The following ZFAT variants were observed in gnomAD, a reference collection of about 807,000 sequenced individuals.
ZFAT encodes the protein zinc finger and AT-hook domain containing, also known as zinc finger protein ZFAT.
A neutral mutation model predicts 117.7 loss-of-function variants in ZFAT; 64 were observed. The ratio of observed to expected loss-of-function variants is 0.54; its 90% CI spans 0.44 to 0.67. The LOEUF (loss-of-function observed/expected upper bound fraction) is 0.67. ZFAT is among the 30% of genes least tolerant of loss of function. ZFAT has a pLI of 0.00. For missense variants in ZFAT, 1,433 were observed against 1,584.5 expected (o/e 0.90, Z 1.62); for synonymous variants, 679 against 615.0 (o/e 1.10, Z -1.54).
At chr8:134,587,362 C>T (rs1376197781) in intron 9 of ZFAT, among the ~76,000 whole-genome samples, 1 of 152,210 alleles carries the variant, frequency 6.6e-6, no homozygotes, top group Non-Finnish European at 1.5e-5. Context: ...GGTTCCCAAT[C>T]TGTCAGTTAC....
intron 2 of ZFAT, among the ~76,000 whole-genome samples, chr8:134,638,577 A>AC (rs71576092): frequency 2.4e-4 from 34 of 142,962 alleles, no homozygotes; most frequent in African/African-American, 8.1e-4. Flanking sequence ...AAAAAAAAAA[A>AC]CATTAACCAG....
chr8:134,824,073 T>C, the ZFAT span, among the ~76,000 whole-genome samples: 1 of 152,238 alleles, frequency 6.6e-6, no homozygotes, highest in African/African-American at 2.4e-5. Context: ...AATTAGATGG[T>C]CTCTGCTCTC....
chr8:134,691,448 T>A (rs747663189), intron 1 of ZFAT, among the ~76,000 whole-genome samples: 22 of 152,168 alleles, frequency 1.4e-4, no homozygotes, highest in Admixed American at 7.2e-4. Context: ...CACACACATG[T>A]CCCCTAGGGG....
At chr8:134,547,145 T>C (rs1460305484) in intron 11 of ZFAT, among the ~76,000 whole-genome samples, 1 of 152,226 alleles carries the variant, frequency 6.6e-6, no homozygotes, top group Non-Finnish European at 1.5e-5. Context: ...CTGAAGTTCA[T>C]GCAGTTAGTC....
In ZFAT at chr8:134,610,175, C is replaced by T. The variant is rs138494379; in HGVS notation, c.634+295G>A. 7.4e-5 allele frequency among the ~76,000 whole-genome samples: 11 copies of T among 149,620 alleles called. No homozygotes were observed. In the East Asian group the frequency reaches 1.4e-3, roughly 18 times the overall value. Reference sequence around the variant, plus strand: ...CCAGGAGAAGAGCTGGGTGAGGGGACGAAGAAAACTAACTGCTCCCGGAAC... The same window carrying T: ...CCAGGAGAAGAGCTGGGTGAGGGGATGAAGAAAACTAACTGCTCCCGGAAC... On this transcript the variant is annotated intron_variant, in intron 4 of 15. Coordinates refer to ENST00000377838, the MANE Select transcript of ZFAT (RefSeq NM_020863.4).
At chr8:134,565,487 C>A (rs756213154) in intron 10 of ZFAT, 66 bp from the exon 11 acceptor site, 29 of 1,468,088 alleles carry the variant, frequency 2.0e-5, no homozygotes, top group Admixed American at 7.3e-5. Context: ...AATGAAGTGC[C>A]AGGCATGGAG....
the ZFAT span, among the ~76,000 whole-genome samples, chr8:134,824,239 G>A: frequency 6.6e-6 from 1 of 152,180 alleles, no homozygotes; most frequent in African/African-American, 2.4e-5. Context: ...TCCTCTCAGG[G>A]AACATCAAAC....
rs1281975489 is a variant in ZFAT, at chr8:134,601,956, T to C, written c.1763A>G (p.His588Arg). ...ETTVVSSSDL[H>R]SQEVVSDDFL... ...ATCATCTGAAACCACCTCTTGAGAA[T>C]GCAGGTCTGAGGAGGAGACCACGGT... is the stretch of plus-strand genomic sequence containing the variant. The change falls in exon 6 of 16, where the codon CAT (histidine) becomes CGT (arginine). Residue 588 changes from histidine to arginine, a missense_variant. By Grantham distance (29) the His-to-Arg change is conservative. Coordinates refer to ENST00000377838, the MANE Select transcript of ZFAT (RefSeq NM_020863.4). 2.5e-6 allele frequency: 4 copies of C among 1,614,040 alleles called. No individual in the cohort carries two copies. Among genetic ancestry groups the C allele is most frequent in the South Asian group, 1.1e-5 (1 of 91,080 alleles).
chr8:134,633,823 T>C (rs770340518), intron 3 of ZFAT, among the ~76,000 whole-genome samples: 151 of 152,310 alleles, frequency 9.9e-4, no homozygotes, highest in Non-Finnish European at 1.8e-3. Context: ...GTGAGGTGGA[T>C]CACCTGAGGT....
At chr8:134,550,310 GAAAAAAA>G (rs10680896) in intron 11 of ZFAT, among the ~76,000 whole-genome samples, 5 of 72,534 alleles carry the variant, frequency 6.9e-5, no homozygotes, top group East Asian at 4.9e-4. Context: ...GGTCACAACG[GAAAAAAA>G]AAAAAAAAAA....
the ZFAT span, among the ~76,000 whole-genome samples, chr8:134,821,935 G>C: frequency 6.6e-6 from 1 of 152,082 alleles, no homozygotes; most frequent in Non-Finnish European, 1.5e-5. Flanking sequence ...AGTAAAACAA[G>C]AAGTTGTTTG....
At chr8:134,521,096 A>G (rs1327111838) in intron 12 of ZFAT, 95 bp from the exon 13 acceptor site, 3 of 875,052 alleles carry the variant, frequency 3.4e-6, no homozygotes, top group Non-Finnish European at 5.3e-6. Flanking sequence ...AAATCTAGTA[A>G]GTATTATTTT....
chr8:134,713,046 C>A, upstream of ZFAT: 1 of 650,104 alleles, frequency 1.5e-6, no homozygotes, highest in Non-Finnish European at 2.3e-6. Context: ...TCTTCGCCCT[C>A]CTCCCCACGG....
intron 13 of ZFAT, among the ~76,000 whole-genome samples, chr8:134,518,753 A>T (rs1820423190): frequency 6.6e-6 from 1 of 151,988 alleles, no homozygotes; most frequent in African/African-American, 2.4e-5. Flanking sequence ...GCTTTCTTCT[A>T]GTATTTGTAA....
chr8:134,588,340 C>G lies in ZFAT; in HGVS notation c.2619G>C (p.Gly873=). ...EVLGRRVQLK[G]LIGKRAMKCP... The stretch of plus-strand genomic sequence containing the variant: ...ATTTCATGGCTCTCTTTCCAATTAG[C>G]CCTTTCAGCTGAACCCTCCTCCCGA... The change falls in exon 9 of 16, where the codon GGG becomes GGC. Residue 873 remains glycine (G), a synonymous_variant. Transcript: ENST00000377838. 6.3e-7 allele frequency: 1 copy of G among 1,592,764 alleles called. No individual in the cohort carries two copies. Among genetic ancestry groups the G allele is most frequent in the Non-Finnish European group, 8.6e-7 (1 of 1,169,050 alleles).
chr8:134,786,836 C>G, the ZFAT span, among the ~76,000 whole-genome samples: 1,612 of 145,826 alleles, frequency 0.011, 11 homozygotes, highest in East Asian at 0.022. Flanking sequence ...TTCCTGATAT[C>G]AAGCTTTTTT....
intron 1 of ZFAT, among the ~76,000 whole-genome samples, chr8:134,677,852 G>C (rs990143428): frequency 1.3e-5 from 2 of 151,966 alleles, no homozygotes; most frequent in Non-Finnish European, 2.9e-5. Context: ...CAAAAACCAC[G>C]ATTATCTCAA....
At chr8:134,788,232 T>C in the ZFAT span, among the ~76,000 whole-genome samples, 1 of 152,202 alleles carries the variant, frequency 6.6e-6, no homozygotes, top group African/African-American at 2.4e-5. Flanking sequence ...TAATTGACTT[T>C]CAGCCTTGCT....
chr8:134,609,768 A>C (rs2130965551), intron 4 of ZFAT, among the ~76,000 whole-genome samples: 1 of 152,354 alleles, frequency 6.6e-6, no homozygotes, highest in Admixed American at 6.5e-5. Context: ...TCTTTTTTAA[A>C]AATATAGTGT....
Sources: allele counts gnomAD v4.1 joint callset (sites outside exome capture counted in the v4.1 genomes callset), GRCh38; gene constraint gnomAD v4.1.1; transcripts MANE v1.5; gene names NCBI Gene and HGNC (gene_info 2026-07-23, HGNC 2026-07-21).